PTPN22: variants seen among roughly 807,000 people sequenced by gnomAD.
PTPN22 encodes the protein protein tyrosine phosphatase non-receptor type 22.
PTPN22 carries 85 observed loss-of-function variants against 103.3 expected under a neutral mutation model. The observed-to-expected ratio is 0.82, with a 90% CI of 0.69 to 0.99. The LOEUF (loss-of-function observed/expected upper bound fraction) is 0.99. Among genes scored for constraint, PTPN22 ranks in the 50% least tolerant of loss-of-function variants. The pLI is 0.00. For synonymous variants in PTPN22, 323 were observed against 310.2 expected (o/e 1.04, Z -0.43); for missense variants, 865 against 936.9 (o/e 0.92, Z 1.00).
intron 1 of PTPN22, among the ~76,000 whole-genome samples, chr1:113,868,976 T>G (rs1415981521): frequency 6.6e-6 from 1 of 151,936 alleles, no homozygotes; most frequent in Admixed American, 6.6e-5. Context: ...ATAATCCTAG[T>G]ACTTTGGGAG....
intron 4 of PTPN22, chr1:113,858,018 T>C (rs1419779158): frequency 3.1e-6 from 1 of 322,396 alleles, no homozygotes; most frequent in African/African-American, 2.1e-5. Flanking sequence ...CCTGTCAAGG[T>C]AAGAACTTTC....
intron 4 of PTPN22, 109 bp from the exon 5 acceptor site, chr1:113,857,885 G>C: frequency 9.4e-7 from 1 of 1,066,712 alleles, no homozygotes; most frequent in Non-Finnish European, 1.3e-6. Flanking sequence ...TTTCTGTTTT[G>C]TCGTTTTTTT....
chr1:113,832,560 C>A (rs969233270), intron 16 of PTPN22, among the ~76,000 whole-genome samples: 2 of 152,202 alleles, frequency 1.3e-5, no homozygotes, highest in East Asian at 3.8e-4. Flanking sequence ...ACTGCAGCCT[C>A]AAATTCCTGG....
At chr1:113,849,437 A>C (rs573210574) in intron 10 of PTPN22, among the ~76,000 whole-genome samples, 1 of 152,172 alleles carries the variant, frequency 6.6e-6, no homozygotes, top group Non-Finnish European at 1.5e-5. Context: ...TCAGGGTTTT[A>C]CCTGAAAGGG....
chr1:113,824,041 A>G (rs1661834886), intron 19 of PTPN22, among the ~76,000 whole-genome samples: 1 of 152,106 alleles, frequency 6.6e-6, no homozygotes, highest in African/African-American at 2.4e-5. Flanking sequence ...TTTAATGTCA[A>G]ATAACTGCTC....
chr1:113,820,635 A>T (rs564555674), intron 19 of PTPN22, among the ~76,000 whole-genome samples: 2 of 152,334 alleles, frequency 1.3e-5, no homozygotes, highest in South Asian at 2.1e-4. Flanking sequence ...TTTTGAAAAC[A>T]GTCCCTTAAA....
intron 4 of PTPN22, chr1:113,858,011 G>C (rs1665224131): frequency 3.0e-6 from 1 of 334,090 alleles, no homozygotes; most frequent in South Asian, 1.1e-4. Context: ...AAATGAGCCT[G>C]TCAAGGTAAG....
chr1:113,830,035 A>G lies in PTPN22; in HGVS notation c.2054-6T>C. On this transcript the variant is annotated splice_polypyrimidine_tract_variant and splice_region_variant and intron_variant, in intron 16 of 20. Transcript: ENST00000359785. Reference sequence around the variant, plus strand: ...AGAACGATCTTGATGTAGTTCTGTGATAAGAAAGTATACAATAAACCAGAG... The same window carrying G: ...AGAACGATCTTGATGTAGTTCTGTGGTAAGAAAGTATACAATAAACCAGAG... The G allele has an allele frequency of 1.9e-6, 3 of 1,571,658 alleles. No homozygotes were observed. The highest frequency in any genetic ancestry group is 2.6e-6 in the Non-Finnish European group (3 of 1,144,160).
chr1:113,852,129 TC>T (rs1664621401), intron 9 of PTPN22, 25 bp from the exon 10 acceptor site: 5 of 1,523,580 alleles, frequency 3.3e-6, no homozygotes, highest in Non-Finnish European at 4.5e-6. Context: ...GGGAAAATAT[TC>T]CTTTCAATAT....
At chr1:113,837,561 T>C in intron 13 of PTPN22, 29 bp downstream of exon 13, 1 of 1,450,318 alleles carries the variant, frequency 6.9e-7, no homozygotes, top group Admixed American at 2.1e-5. Flanking sequence ...AAATCTAAAA[T>C]TCTATGCAAA....
chr1:113,826,898 T>C (rs1244795354), intron 18 of PTPN22, among the ~76,000 whole-genome samples: 1 of 151,632 alleles, frequency 6.6e-6, no homozygotes, highest in Non-Finnish European at 1.5e-5. Context: ...CTCGATCTCC[T>C]GACCTCGTGA....
chr1:113,823,105 T>C (rs1258211332), intron 19 of PTPN22: 3 of 152,244 alleles, frequency 2.0e-5, no homozygotes, highest in Admixed American at 2.0e-4. Context: ...AAATTTTGTT[T>C]AATGTTGTTT....
At chr1:113,867,406 T>G (rs1666206865) in intron 1 of PTPN22, among the ~76,000 whole-genome samples, 1 of 152,214 alleles carries the variant, frequency 6.6e-6, no homozygotes, top group Non-Finnish European at 1.5e-5. Flanking sequence ...ATTTAACTTC[T>G]CAGAGCTTCA....
At position 113,837,580 on chromosome 1, in the gene PTPN22, A is replaced by C. The variant is rs777069837; in HGVS notation, c.1810+10T>G. 6.6e-7 allele frequency: 1 copy of C among 1,506,854 alleles called. No homozygotes were observed. The highest frequency in any genetic ancestry group is 2.3e-5 in the East Asian group (1 of 44,300). The allele number at this position is 1,506,854 out of a possible 1,614,324, so 93.3% of individuals were successfully genotyped here. A position where few individuals can be genotyped will look rare whatever the true frequency, so the allele number is the denominator to read the frequency against. ...CTAAAATTCTATGCAAACTTTAAAA[A>C]ATAACTTACCTAGTACAGCTGACTC... On this transcript the variant is annotated intron_variant, in intron 13 of 20. Coordinates refer to ENST00000359785, the Ensembl canonical transcript of PTPN22.
At chr1:113,841,450 A>C (rs760833638) in intron 11 of PTPN22, among the ~76,000 whole-genome samples, 13 of 152,206 alleles carry the variant, frequency 8.5e-5, no homozygotes, top group Non-Finnish European at 1.6e-4. Context: ...ATTGAGATTA[A>C]GACTTTTACA....
chr1:113,838,544 C>T, exon 12 of PTPN22: 7 of 1,612,528 alleles, frequency 4.3e-6, no homozygotes, highest in African/African-American at 1.3e-5. Flanking sequence ...TTGTACTCAC[C>T]TTTTTGGTAA....
At chr1:113,844,124 G>A (rs1055520551) in intron 11 of PTPN22, among the ~76,000 whole-genome samples, 1 of 151,960 alleles carries the variant, frequency 6.6e-6, no homozygotes, top group African/African-American at 2.4e-5. Flanking sequence ...AAAAAGGTTT[G>A]TCAATTTCAT....
At chr1:113,863,186 A>G (rs536853219) in intron 1 of PTPN22, among the ~76,000 whole-genome samples, 1 of 152,190 alleles carries the variant, frequency 6.6e-6, no homozygotes, top group East Asian at 1.9e-4. Flanking sequence ...TCTGCCTCCC[A>G]GGTTCAAGTG....
At chr1:113,861,216 T>C (rs1239939608) in intron 1 of PTPN22, among the ~76,000 whole-genome samples, 1 of 152,166 alleles carries the variant, frequency 6.6e-6, no homozygotes, top group African/African-American at 2.4e-5. Flanking sequence ...AGTCTTCCTT[T>C]TTCTTTCTGT....
Sources: gnomAD v4.1 joint callset for allele counts (sites outside exome capture counted in the v4.1 genomes callset) on GRCh38, gnomAD v4.1.1 for gene constraint, MANE v1.5 for transcripts, NCBI Gene and HGNC (gene_info 2026-07-23, HGNC 2026-07-21) for gene names.